The following WDFY3 variants were observed in gnomAD, a reference collection of about 807,000 sequenced individuals.
WDFY3 encodes WD repeat and FYVE domain-containing protein 3.
Under a neutral mutation model 409.6 loss-of-function variants are expected in WDFY3, and 66 were observed. That is an observed-to-expected ratio of 0.16 (90% CI 0.13 to 0.20). The LOEUF (loss-of-function observed/expected upper bound fraction) is 0.20, where lower values mean the gene tolerates loss of function less well. WDFY3 is among the 10% of genes least tolerant of loss of function. The pLI is 1.00. For synonymous variants in WDFY3, 1,521 were observed against 1,537.1 expected, an observed-to-expected ratio of 0.99 and a Z score of 0.25; for missense variants, 3,031 against 4,298.1, an observed-to-expected ratio of 0.71 and a Z score of 8.24.
At position 84,914,615 on chromosome 4, in the gene WDFY3, T is replaced by C. The variant is rs114107478; in HGVS notation, c.-131-17605A>G. On this transcript the variant is annotated intron_variant, in intron 2 of 67. Coordinates refer to ENST00000295888, the MANE Select transcript of WDFY3 (RefSeq NM_014991.6). Reference sequence around the variant, plus strand: ...CAATATAATTTAGTCATTAGGAAAATGCACATCAAAACCACAATGAGACAC... The same window carrying C: ...CAATATAATTTAGTCATTAGGAAAACGCACATCAAAACCACAATGAGACAC... Among the ~76,000 whole-genome samples the C allele has an allele frequency of 6.1e-3, 927 of 152,166 alleles. 12 individuals are homozygous for C. The highest frequency in any genetic ancestry group is 0.021 in the African/African-American group (874 of 41,500).
At chr4:84,843,947 A>G (rs1757728803) in intron 5 of WDFY3, among the ~76,000 whole-genome samples, 1 of 152,214 alleles carries the variant, frequency 6.6e-6, no homozygotes, top group African/African-American at 2.4e-5. Context: ...TTTAAGAGTT[A>G]ATGAAAGAAT....
In WDFY3 at chr4:84,677,409, C is replaced by A; in HGVS notation, c.10260-13G>T. ...CCTACTGTGATCCCTGCAGGAGACA[C>A]GACAGAGGAGGTCACTGCACGGAAG... On this transcript the variant is annotated splice_polypyrimidine_tract_variant and intron_variant, in intron 66 of 67. Transcript: ENST00000295888. 1 of 1,585,378 alleles carries A rather than the reference C, an allele frequency of 6.3e-7. No individual in the cohort carries two copies. The highest frequency in any genetic ancestry group is 8.6e-7 in the Non-Finnish European group (1 of 1,164,914).
At chr4:84,889,316 A>G (rs190072630) in intron 3 of WDFY3, among the ~76,000 whole-genome samples, 38 of 152,258 alleles carry the variant, frequency 2.5e-4, no homozygotes, top group Non-Finnish European at 4.7e-4. Context: ...TGAGCAATAT[A>G]TTTTGTGCAT....
At position 84,671,084 on chromosome 4, in the gene WDFY3, G is replaced by A. The variant is rs1725376470; in HGVS notation, c.*1784C>T. 6.6e-6 allele frequency: 1 copy of A among 152,636 alleles called. No individual in the cohort carries two copies. Among genetic ancestry groups the A allele is most frequent in the African/African-American group, 2.4e-5 (1 of 41,526 alleles). The allele number at this position is 152,636 out of a possible 1,614,324, so 9.5% of individuals were successfully genotyped here. On this transcript the variant is annotated 3_prime_UTR_variant, in exon 68 of 68. Transcript: ENST00000295888. Reference sequence around the variant, plus strand: ...AAGATTTAAATTTAGTAAGCGTAAGGCACTAAAGCAGCCTTTCTATTTTCT... The same window carrying A: ...AAGATTTAAATTTAGTAAGCGTAAGACACTAAAGCAGCCTTTCTATTTTCT...
chr4:84,806,325 A>AATC (rs1279831482), intron 15 of WDFY3, among the ~76,000 whole-genome samples: 3 of 152,192 alleles, frequency 2.0e-5, no homozygotes, highest in Admixed American at 6.5e-5. Flanking sequence ...AAATGTCAAC[A>AATC]ATCATCTTAG....
chr4:84,943,365 G>C (rs572534711), intron 1 of WDFY3, among the ~76,000 whole-genome samples: 3 of 151,978 alleles, frequency 2.0e-5, no homozygotes, highest in African/African-American at 7.3e-5. Flanking sequence ...CTAGCTGGGC[G>C]TGGTGGTGGG....
chr4:84,917,186 C>T (rs752359375), intron 2 of WDFY3, among the ~76,000 whole-genome samples: 1 of 152,072 alleles, frequency 6.6e-6, no homozygotes, highest in Non-Finnish European at 1.5e-5. Context: ...TAGTTTCTGA[C>T]CTATTATCTT....
intron 60 of WDFY3, among the ~76,000 whole-genome samples, chr4:84,691,100 G>C (rs888788397): frequency 3.3e-5 from 5 of 152,156 alleles, no homozygotes; most frequent in Non-Finnish European, 7.3e-5. Context: ...GATTCTTTTC[G>C]TCTTGCATTT....
intron 3 of WDFY3, among the ~76,000 whole-genome samples, chr4:84,862,458 T>C (rs1007243541): frequency 2.0e-5 from 3 of 152,240 alleles, no homozygotes; most frequent in African/African-American, 7.2e-5. Context: ...GTTTTCCAAA[T>C]ATAAATATTT....
intron 15 of WDFY3, among the ~76,000 whole-genome samples, chr4:84,805,969 C>T (rs1030161172): frequency 6.6e-6 from 1 of 152,036 alleles, no homozygotes; most frequent in South Asian, 2.1e-4. Flanking sequence ...GTTCATTTTC[C>T]CCCAATCCTT....
intron 4 of WDFY3, among the ~76,000 whole-genome samples, chr4:84,851,623 A>G (rs966164628): frequency 6.6e-6 from 1 of 152,208 alleles, no homozygotes; most frequent in Non-Finnish European, 1.5e-5. Context: ...AAAGACCTCT[A>G]TATTTTCCAT....
intron 30 of WDFY3, among the ~76,000 whole-genome samples, chr4:84,767,871 TACAGGAGTTTGAG>T (rs898026585): frequency 1.6e-4 from 24 of 152,058 alleles, no homozygotes; most frequent in African/African-American, 5.1e-4. Flanking sequence ...ATCTCTTGAG[TACAGGAGTTTGAG>T]ACCAACCTGG....
chr4:84,853,055 G>T (rs763400126), intron 4 of WDFY3, among the ~76,000 whole-genome samples: 1 of 151,982 alleles, frequency 6.6e-6, no homozygotes, highest in African/African-American at 2.4e-5. Flanking sequence ...CACTGTGCCC[G>T]GCCAGAAACC....
intron 59 of WDFY3, 113 bp from the exon 60 acceptor site, chr4:84,691,898 G>A (rs1394872591): frequency 1.3e-5 from 14 of 1,048,504 alleles, no homozygotes; most frequent in South Asian, 8.5e-5. Context: ...TGATACCTAC[G>A]TTGAGAAAAA....
intron 4 of WDFY3, 58 bp downstream of exon 4, chr4:84,860,354 C>T (rs1328530407): frequency 1.1e-5 from 17 of 1,531,024 alleles, no homozygotes; most frequent in Non-Finnish European, 1.5e-5. Flanking sequence ...CAGTAACCTT[C>T]AGATTCTTGT....
chr4:84,938,864 G>A (rs1771761307), intron 1 of WDFY3, among the ~76,000 whole-genome samples: 1 of 151,946 alleles, frequency 6.6e-6, no homozygotes, highest in Non-Finnish European at 1.5e-5. Flanking sequence ...TATACATCAA[G>A]CCCTTTCCTC....
At position 84,679,057 on chromosome 4, in the gene WDFY3, G is replaced by C; in HGVS notation, c.10009C>G (p.Gln3337Glu). 6.2e-7 allele frequency: 1 copy of C among 1,614,244 alleles called. No individual in the cohort carries two copies. The highest frequency in any genetic ancestry group is 8.5e-7 in the Non-Finnish European group (1 of 1,180,042). Residue 3337 changes from glutamine to glutamate, a missense_variant, in exon 65 of 68, where the codon CAG becomes GAG. Coordinates refer to ENST00000295888, the MANE Select transcript of WDFY3 (RefSeq NM_014991.6). The stretch of plus-strand genomic sequence containing the variant: ...CCGTCTTTCTCATCTAGACTGAGCT[G>C]GTCGGACCAGCGTCTGGAGTCGTCA... ...GSDDSRRWSD[Q>E]LSLDEKDGFI... is the part of the protein sequence containing the mutation.
chr4:84,723,700 C>A (rs1735205656), intron 46 of WDFY3, among the ~76,000 whole-genome samples: 1 of 152,166 alleles, frequency 6.6e-6, no homozygotes, highest in South Asian at 2.1e-4. Context: ...ATCACTGAAA[C>A]TGCTATAACA....
chr4:84,868,896 G>C (rs1761798081), intron 3 of WDFY3, among the ~76,000 whole-genome samples: 1 of 152,176 alleles, frequency 6.6e-6, no homozygotes, highest in African/African-American at 2.4e-5. Flanking sequence ...AACTTTGGAA[G>C]GCTGACCTGA....
Sources: gnomAD v4.1 joint callset for allele counts (sites outside exome capture counted in the v4.1 genomes callset) on GRCh38, gnomAD v4.1.1 for gene constraint, MANE v1.5 for transcripts, NCBI Gene and HGNC (gene_info 2026-07-23, HGNC 2026-07-21) for gene names.